The following SHQ1 variants were observed in gnomAD, a reference collection of about 807,000 sequenced individuals.
SHQ1 encodes SHQ1, H/ACA ribonucleoprotein assembly factor, also known as protein SHQ1 homolog.
SHQ1 carries 49 observed loss-of-function variants against 53.8 expected under a neutral mutation model. The observed-to-expected ratio is 0.91, with a 90% CI of 0.72 to 1.16. The LOEUF is 1.16. SHQ1 is among the 50% of genes most tolerant of loss of function. SHQ1 has a pLI of 0.00. For synonymous variants in SHQ1, 243 were observed against 251.0 expected (o/e 0.97, Z 0.30); for missense variants, 738 against 683.1 (o/e 1.08, Z -0.90).
At chr3:72,788,760 G>C (rs1427228811) in intron 10 of SHQ1, among the ~76,000 whole-genome samples, 1 of 152,198 alleles carries the variant, frequency 6.6e-6, no homozygotes, top group Non-Finnish European at 1.5e-5. Context: ...TTGGGATGCT[G>C]TTAATCTATA....
intron 10 of SHQ1, among the ~76,000 whole-genome samples, chr3:72,765,382 A>G (rs1207733601): frequency 1.3e-5 from 2 of 150,064 alleles, no homozygotes; most frequent in East Asian, 1.9e-4. Flanking sequence ...CTCTACCTCC[A>G]GACTGCACTG....
At chr3:72,741,420 G>T in the SHQ1 span, among the ~76,000 whole-genome samples, 1 of 151,994 alleles carries the variant, frequency 6.6e-6, no homozygotes, top group Non-Finnish European at 1.5e-5. Flanking sequence ...ACCCCATCTC[G>T]ACTAAAAATA....
At chr3:72,817,161 G>C in intron 7 of SHQ1, 69 bp downstream of exon 7, 1 of 1,500,482 alleles carries the variant, frequency 6.7e-7, no homozygotes, top group Non-Finnish European at 9.0e-7. Flanking sequence ...AGACAAGAAA[G>C]ACTGATGCTT....
the SHQ1 span, among the ~76,000 whole-genome samples, chr3:72,740,087 C>T: frequency 3.0e-3 from 451 of 152,310 alleles, 1 homozygote; most frequent in Non-Finnish European, 5.1e-3. Context: ...GGGTGGTAGA[C>T]GTTTATCAGT....
At chr3:72,732,920 T>C in the SHQ1 span, among the ~76,000 whole-genome samples, 3 of 151,700 alleles carry the variant, frequency 2.0e-5, no homozygotes, top group East Asian at 5.8e-4. Flanking sequence ...GACAGATGGG[T>C]GCTGGGTTTG....
chr3:72,766,737 G>C (rs182828711), intron 10 of SHQ1, among the ~76,000 whole-genome samples: 31 of 152,226 alleles, frequency 2.0e-4, no homozygotes, highest in East Asian at 1.4e-3. Flanking sequence ...GTGAAGGGAG[G>C]GGGGAACTGA....
the SHQ1 span, among the ~76,000 whole-genome samples, chr3:72,739,489 G>A: frequency 6.6e-6 from 1 of 152,234 alleles, no homozygotes; most frequent in Non-Finnish European, 1.5e-5. Flanking sequence ...CTGCAGAGAG[G>A]TAAAGATGGG....
intron 10 of SHQ1, among the ~76,000 whole-genome samples, chr3:72,779,662 T>C (rs1456774873): frequency 6.6e-6 from 1 of 152,102 alleles, no homozygotes; most frequent in African/African-American, 2.4e-5. Context: ...GAACAGATAC[T>C]CAAGTCTAAA....
chr3:72,842,167 C>T, intron 3 of SHQ1, 113 bp downstream of exon 3: 1 of 1,186,086 alleles, frequency 8.4e-7, no homozygotes, highest in Non-Finnish European at 1.2e-6. Context: ...TCACCTTATA[C>T]CTGAAGTATT....
intron 5 of SHQ1, among the ~76,000 whole-genome samples, chr3:72,827,274 A>G (rs1359465955): frequency 6.6e-6 from 1 of 152,072 alleles, no homozygotes; most frequent in African/African-American, 2.4e-5. Context: ...AGACCCATCC[A>G]ATAGGTAGGT....
At chr3:72,812,208 C>T (rs142737766) in intron 9 of SHQ1, among the ~76,000 whole-genome samples, 81 of 152,280 alleles carry the variant, frequency 5.3e-4, no homozygotes, top group Admixed American at 1.3e-3. Flanking sequence ...CCCTCCTAAA[C>T]GATCCCTGGA....
downstream of SHQ1, among the ~76,000 whole-genome samples, chr3:72,745,091 A>G (rs1705235629): frequency 6.6e-6 from 1 of 152,004 alleles, no homozygotes; most frequent in African/African-American, 2.4e-5. Flanking sequence ...ATTTCCAGTT[A>G]TAACATATAA....
intron 10 of SHQ1, among the ~76,000 whole-genome samples, chr3:72,785,095 A>AT (rs2106769253): frequency 6.6e-6 from 1 of 152,370 alleles, no homozygotes; most frequent in East Asian, 1.9e-4. Context: ...AAGTAAAGAC[A>AT]TGTAAACTCA....
chr3:72,846,462 A>AT (rs1708331853), intron 1 of SHQ1: 4 of 647,274 alleles, frequency 6.2e-6, no homozygotes, highest in East Asian at 2.8e-5. Context: ...AGCCCAGATA[A>AT]TTTTTTTGTA....
chr3:72,765,548 TATATA>T (rs1370571554), intron 10 of SHQ1, among the ~76,000 whole-genome samples: 14 of 99,566 alleles, frequency 1.4e-4, no homozygotes, highest in African/African-American at 8.8e-4. Context: ...TATATATATA[TATATA>T]TATATTTTTT....
chr3:72,842,044 AACCACAAAATGTTG>A (rs1264403500), intron 3 of SHQ1, among the ~76,000 whole-genome samples: 1 of 152,198 alleles, frequency 6.6e-6, no homozygotes. Context: ...ATATTTTGCC[AACCACAAAATGTTG>A]TTTCAATTGG....
chr3:72,842,325 C>T lies in SHQ1; in HGVS notation c.286G>A (p.Ala96Thr), dbSNP rs1411649413. The change falls in exon 3 of 11, where the codon GCA becomes ACA. Residue 96 changes from alanine to threonine, a missense_variant. Physicochemically the swap from Ala to Thr is moderately conservative, Grantham distance 58. Transcript: ENST00000325599. ...EGLNMLTALL[A>T]PRKSRTAKPL... ...TTTGCTGTCCTGGATTTTCTTGGTG[C>T]CAGAAGAGCAGTTAACATGTTCAGC... is the stretch of plus-strand genomic sequence containing the variant. 6.2e-7 allele frequency: 1 copy of T among 1,613,834 alleles called. No individual in the cohort carries two copies. Among genetic ancestry groups the T allele is most frequent in the Non-Finnish European group, 8.5e-7 (1 of 1,179,814 alleles).
intron 10 of SHQ1, among the ~76,000 whole-genome samples, chr3:72,789,189 T>G (rs1415594297): frequency 6.6e-6 from 1 of 152,118 alleles, no homozygotes; most frequent in African/African-American, 2.4e-5. Context: ...TTAGATTAAG[T>G]GACAAAGTGA....
chr3:72,792,145 A>C (rs1706458339), intron 10 of SHQ1, among the ~76,000 whole-genome samples: 1 of 152,146 alleles, frequency 6.6e-6, no homozygotes, highest in African/African-American at 2.4e-5. Context: ...ATAAATGCAG[A>C]GCTCTCATCT....
Sources: allele counts gnomAD v4.1 joint callset (sites outside exome capture counted in the v4.1 genomes callset), GRCh38; gene constraint gnomAD v4.1.1; transcripts MANE v1.5; gene names NCBI Gene and HGNC (gene_info 2026-07-23, HGNC 2026-07-21).